The following SORCS1 variants were observed in gnomAD, a reference collection of about 807,000 sequenced individuals.
The protein encoded by SORCS1 is sortilin related VPS10 domain containing receptor 1, also known as VPS10 domain-containing receptor SorCS1.
A neutral mutation model predicts 146.1 loss-of-function variants in SORCS1; 60 were observed. The ratio of observed to expected loss-of-function variants is 0.41; its 90% CI spans 0.33 to 0.51. SORCS1 has a LOEUF of 0.51. SORCS1 is among the 20% of genes least tolerant of loss of function. SORCS1 has a pLI of 0.21. For missense variants in SORCS1, 1,352 were observed against 1,487.6 expected (o/e 0.91, Z 1.50); for synonymous variants, 637 against 584.0 (o/e 1.09, Z -1.31).
chr10:107,018,679 T>TA lies in SORCS1; in HGVS notation c.559-62100dup, dbSNP rs917638661. 3.1e-3 allele frequency among the ~76,000 whole-genome samples: 453 copies of TA among 144,692 alleles called. 3 individuals carry two copies. The highest frequency in any genetic ancestry group is 7.7e-3 in the African/African-American group (306 of 39,530). 94.9% of individuals were successfully genotyped at this position (144,692 alleles called of 152,430 possible). ...GCAATAGGTAAAGAAGGAAAAAAAT[T>TA]AAAAAAAAAAACAACTTTCCTCTCC... is the stretch of plus-strand genomic sequence containing the variant. On this transcript the variant is annotated intron_variant, in intron 1 of 25. Coordinates refer to ENST00000263054, the MANE Select transcript of SORCS1 (RefSeq NM_052918.5).
chr10:106,891,858 C>CA (rs1376556192), intron 2 of SORCS1, among the ~76,000 whole-genome samples: 1 of 152,148 alleles, frequency 6.6e-6, no homozygotes, highest in Non-Finnish European at 1.5e-5. Context: ...AATCTACTCC[C>CA]ATGCCTAAAT....
At chr10:107,010,689 G>T (rs1388326116) in intron 1 of SORCS1, among the ~76,000 whole-genome samples, 1 of 119,444 alleles carries the variant, frequency 8.4e-6, no homozygotes, top group Non-Finnish European at 1.7e-5. Flanking sequence ...CGTGGGGCCT[G>T]TGGGTCATTT....
Position 106,992,944 on chromosome 10 carries a change from G to A in SORCS1, c.559-36364C>T, listed in dbSNP as rs1001679177. Reference sequence around the variant, plus strand: ...CCTCCCTGGTTCAAGCAACTCTCCCGCCTCAGCCTCCCTAGTAGCTGGGAT... The same window carrying A: ...CCTCCCTGGTTCAAGCAACTCTCCCACCTCAGCCTCCCTAGTAGCTGGGAT... On this transcript the variant is annotated intron_variant, in intron 1 of 25. Coordinates refer to ENST00000263054, the MANE Select transcript of SORCS1 (RefSeq NM_052918.5). Among the ~76,000 whole-genome samples the A allele has an allele frequency of 5.8e-5, 8 of 138,200 alleles. No homozygotes were observed. In the East Asian group the frequency reaches 9.7e-4, roughly 17 times the overall value. The allele number at this position is 138,200 out of a possible 152,430, so 90.7% of individuals were successfully genotyped here. A position where few individuals can be genotyped will look rare whatever the true frequency, so the allele number is the denominator to read the frequency against.
chr10:106,896,878 C>A (rs1951500219), intron 2 of SORCS1, among the ~76,000 whole-genome samples: 1 of 150,912 alleles, frequency 6.6e-6, no homozygotes, highest in African/African-American at 2.4e-5. Flanking sequence ...ATAATCTATG[C>A]ACCAAATACT....
chr10:107,164,211 C>T lies in SORCS1; in HGVS notation c.316G>A (p.Gly106Ser), dbSNP rs1565126216. ...GASMAVAARS[G>S]RRRRSGADQE... ...TCCGCTCCGCTCCGTCTCCTCCGGC[C>T]GGAGCGTGCAGCAACCGCCATGGAT... The change falls in exon 1 of 26, where the codon GGC (glycine) becomes AGC (serine). Residue 106 changes from glycine to serine, a missense_variant. By Grantham distance (56) the Gly-to-Ser change is moderately conservative (BLOSUM62 0). Coordinates refer to ENST00000263054, the MANE Select transcript of SORCS1 (RefSeq NM_052918.5). The surrounding 1 kb of genome is among the most constrained non-coding windows in gnomAD (Gnocchi z 6.8). The T allele has an allele frequency of 6.2e-7, 1 of 1,609,412 alleles. No individual in the cohort carries two copies. The highest frequency in any genetic ancestry group is 8.5e-7 in the Non-Finnish European group (1 of 1,179,804).
chr10:107,108,972 A>G (rs35424687), intron 1 of SORCS1, among the ~76,000 whole-genome samples: 13,053 of 152,248 alleles, frequency 0.086, 634 homozygotes, highest in African/African-American at 0.14. Context: ...CTCCAAAATA[A>G]TCTTCTTTCA....
chr10:107,130,369 T>C (rs572232469), intron 1 of SORCS1, among the ~76,000 whole-genome samples: 1 of 152,372 alleles, frequency 6.6e-6, no homozygotes, highest in Non-Finnish European at 1.5e-5. Context: ...AAATCAAGCT[T>C]CATACTTATA....
At chr10:106,665,056 C>A (rs1851027776) in intron 17 of SORCS1, among the ~76,000 whole-genome samples, 1 of 151,934 alleles carries the variant, frequency 6.6e-6, no homozygotes, top group Non-Finnish European at 1.5e-5. Context: ...TGTTATCATT[C>A]AAAAAAATCA....
At chr10:106,913,216 T>G (rs1289333556) in intron 2 of SORCS1, among the ~76,000 whole-genome samples, 1 of 152,202 alleles carries the variant, frequency 6.6e-6, no homozygotes, top group African/African-American at 2.4e-5. Context: ...GCCTTTTGCA[T>G]ACAGAAAGGG....
At chr10:107,011,961 A>T (rs766966759) in intron 1 of SORCS1, among the ~76,000 whole-genome samples, 3 of 152,238 alleles carry the variant, frequency 2.0e-5, no homozygotes, top group Non-Finnish European at 2.9e-5. Flanking sequence ...TTATTTCTAA[A>T]AGAAAAGAAA....
Position 107,164,269 on chromosome 10 carries a change from C to T in SORCS1, c.258G>A (p.Ala86=). 2 of 1,602,382 alleles carry T rather than the reference C, an allele frequency of 1.2e-6. No homozygotes were observed. The highest frequency in any genetic ancestry group is 1.1e-5 in the South Asian group (1 of 90,560). Residue 86 remains alanine (A), a synonymous_variant, in exon 1 of 26, where the codon GCG becomes GCA. Transcript: ENST00000263054. This position sits in a 1 kb window ranked among gnomAD's most constrained non-coding sequence, Gnocchi z 6.8. The part of the protein sequence containing the change: ...PLFSVAPGDR[A]LSLERARGTG... ...TGCCCCGAGCCCGCTCCAGGGATAG[C>T]GCTCGGTCCCCGGGGGCCACTGAGA... is the stretch of plus-strand genomic sequence containing the variant.
At chr10:106,707,645 GC>G (rs1564881966) in intron 7 of SORCS1, among the ~76,000 whole-genome samples, 3 of 152,134 alleles carry the variant, frequency 2.0e-5, no homozygotes, top group African/African-American at 7.2e-5. Flanking sequence ...TGCCACCACA[GC>G]CAGTTCCCCT....
intron 17 of SORCS1, among the ~76,000 whole-genome samples, 190 bp downstream of exon 17, chr10:106,667,498 GA>G (rs1181505169): frequency 6.6e-6 from 1 of 152,126 alleles, no homozygotes; most frequent in Non-Finnish European, 1.5e-5. Flanking sequence ...TTTGCAACTG[GA>G]ATCTTATTCT....
At chr10:106,889,614 A>T (rs994851155) in intron 2 of SORCS1, among the ~76,000 whole-genome samples, 9 of 151,470 alleles carry the variant, frequency 5.9e-5, no homozygotes, top group Non-Finnish European at 1.2e-4. Context: ...CATACAAAAA[A>T]ATTAGCCGGG....
chr10:106,707,596 C>T (rs919230039), intron 7 of SORCS1, among the ~76,000 whole-genome samples: 1 of 152,150 alleles, frequency 6.6e-6, no homozygotes, highest in Non-Finnish European at 1.5e-5. Context: ...AACTCCTGGG[C>T]TCAAGTGATC....
At chr10:107,144,092 T>A (rs1968087191) in intron 1 of SORCS1, among the ~76,000 whole-genome samples, 1 of 152,186 alleles carries the variant, frequency 6.6e-6, no homozygotes, top group African/African-American at 2.4e-5. Context: ...TCCTTCCCCT[T>A]AGAGCTTGCT....
At chr10:107,068,898 A>G (rs1328389302) in intron 1 of SORCS1, among the ~76,000 whole-genome samples, 1 of 150,768 alleles carries the variant, frequency 6.6e-6, no homozygotes, top group African/African-American at 2.4e-5. Context: ...AAACCTCACC[A>G]TGATCTTTTT....
At chr10:106,752,046 T>C (rs950363997) in intron 5 of SORCS1, among the ~76,000 whole-genome samples, 1 of 152,202 alleles carries the variant, frequency 6.6e-6, no homozygotes, top group Non-Finnish European at 1.5e-5. Context: ...AAAATAAGAC[T>C]TTGTAGCAGG....
chr10:106,709,712 T>G (rs1431411571), intron 6 of SORCS1, among the ~76,000 whole-genome samples: 2 of 152,332 alleles, frequency 1.3e-5, no homozygotes, highest in East Asian at 3.9e-4. Flanking sequence ...CCTCCCAAAG[T>G]GCTGGGATTA....
Sources: gnomAD v4.1 joint callset for allele counts (sites outside exome capture counted in the v4.1 genomes callset) on GRCh38, gnomAD v4.1.1 for gene constraint, Gnocchi (gnomAD v3.1) non-coding constraint, MANE v1.5 for transcripts, NCBI Gene and HGNC (gene_info 2026-07-23, HGNC 2026-07-21) for gene names.